The following DMRT3 variants were observed in gnomAD, a reference collection of about 807,000 sequenced individuals.
DMRT3 encodes the protein doublesex and mab-3 related transcription factor 3.
In DMRT3, 29 loss-of-function variants were observed where a neutral mutation model predicts 34.9. The observed-to-expected ratio is 0.83, with a 90% confidence interval of 0.62 to 1.13. DMRT3 has a LOEUF of 1.13. Ranked by LOEUF, DMRT3 falls within the 50% of genes most tolerant of loss-of-function variation. DMRT3 has a pLI of 0.00. For synonymous variants in DMRT3, 350 were observed against 286.0 expected, an observed-to-expected ratio of 1.22 and a Z score of -2.26; for missense variants, 772 against 629.1, an observed-to-expected ratio of 1.23 and a Z score of -2.43.
At chr9:983,601 G>C (rs1028845591) in intron 1 of DMRT3, among the ~76,000 whole-genome samples, 1 of 152,132 alleles carries the variant, frequency 6.6e-6, no homozygotes, top group African/African-American at 2.4e-5. Flanking sequence ...AAGGCATTTA[G>C]GGGCATTTGT....
chr9:982,319 G>C (rs1820231220), intron 1 of DMRT3, among the ~76,000 whole-genome samples: 1 of 152,214 alleles, frequency 6.6e-6, no homozygotes, highest in Non-Finnish European at 1.5e-5. Flanking sequence ...AAAAACGAGA[G>C]TGTGTTCCAC....
chr9:983,172 G>A (rs535838544), intron 1 of DMRT3, among the ~76,000 whole-genome samples: 2 of 152,270 alleles, frequency 1.3e-5, no homozygotes, highest in South Asian at 2.1e-4. Context: ...GCACAATCAA[G>A]TACCAAGTAA....
intron 1 of DMRT3, 88 bp from the exon 2 acceptor site, chr9:989,953 A>T: frequency 1.3e-6 from 2 of 1,521,500 alleles, no homozygotes; most frequent in Non-Finnish European, 1.8e-6. Context: ...TGCTCTTCCA[A>T]AAAGCACGTG....
intron 1 of DMRT3, among the ~76,000 whole-genome samples, chr9:982,493 A>G (rs1820234117): frequency 6.6e-6 from 1 of 152,224 alleles, no homozygotes; most frequent in African/African-American, 2.4e-5. Flanking sequence ...GATTACAGTA[A>G]TCACAGGAGG....
In DMRT3 at chr9:977,373, T is replaced by G; in HGVS notation, c.372T>G (p.Ala124=). Residue 124 remains alanine (A), a synonymous_variant, in exon 1 of 2, where the codon GCT becomes GCG. Transcript: ENST00000190165. The part of the protein sequence containing the change: ...QPSQPQPPRP[A]AELAAAAALR... ...CGCAGCCGCAGCCGCCGCGCCCTGC[T>G]GCCGAGTTGGCCGCGGCCGCCGCGC... 1 of 1,229,660 alleles carries G rather than the reference T, an allele frequency of 8.1e-7. No individual in the cohort carries two copies. The highest frequency in any genetic ancestry group is 1.0e-6 in the Non-Finnish European group (1 of 987,884). The allele number at this position is 1,229,660 out of a possible 1,614,324, so 76.2% of individuals were successfully genotyped here.
intron 1 of DMRT3, among the ~76,000 whole-genome samples, chr9:978,846 G>C (rs1820182827): frequency 6.6e-6 from 1 of 152,214 alleles, no homozygotes; most frequent in African/African-American, 2.4e-5. Context: ...TCTCAGAAAT[G>C]ATCGCCAGTT....
intron 1 of DMRT3, 156 bp from the exon 2 acceptor site, chr9:989,885 T>G: frequency 3.4e-6 from 3 of 884,130 alleles, no homozygotes; most frequent in South Asian, 2.1e-5. Flanking sequence ...TTGCCAGTGA[T>G]ATAGTTCGAA....
intron 1 of DMRT3, among the ~76,000 whole-genome samples, chr9:982,542 A>G (rs1364924284): frequency 2.0e-5 from 3 of 152,236 alleles, no homozygotes; most frequent in African/African-American, 7.2e-5. Context: ...ACTTTCGGAG[A>G]AGGTCAGGCT....
chr9:990,676 C>T lies in DMRT3; in HGVS notation c.1090C>T (p.Gln364Ter). The T allele has an allele frequency of 6.2e-7, 1 of 1,614,140 alleles. No individual in the cohort carries two copies. Among genetic ancestry groups the T allele is most frequent in the Non-Finnish European group, 8.5e-7 (1 of 1,180,020 alleles). The change falls in exon 2 of 2, where the codon CAG becomes TAG. Residue 364 changes from glutamine to a stop codon, truncating the protein, a stop_gained. Transcript: ENST00000190165. LOFTEE classifies it high-confidence loss of function. Reference protein sequence around the residue: ...LAGPLQPPFPQPPRYPLMLRN... With the variant: ...LAGPLQPPFP ...TGGGCCTCTGCAGCCCCCTTTCCCCCAGCCACCCCGGTACCCGCTGATGCT... is the reference window on the plus strand; with the variant it reads ...TGGGCCTCTGCAGCCCCCTTTCCCCTAGCCACCCCGGTACCCGCTGATGCT...
At chr9:988,325 C>T (rs1487597606) in intron 1 of DMRT3, among the ~76,000 whole-genome samples, 1 of 152,192 alleles carries the variant, frequency 6.6e-6, no homozygotes, top group Non-Finnish European at 1.5e-5. Context: ...TGTATGTTGA[C>T]ACTTGCACTG....
chr9:979,231 A>G (rs1339815210), intron 1 of DMRT3, among the ~76,000 whole-genome samples: 1 of 152,172 alleles, frequency 6.6e-6, no homozygotes, highest in African/African-American at 2.4e-5. Context: ...GAGTCACAAA[A>G]CTAAAAACAC....
intron 1 of DMRT3, among the ~76,000 whole-genome samples, chr9:983,145 A>G (rs893414658): frequency 6.6e-6 from 1 of 152,200 alleles, no homozygotes; most frequent in African/African-American, 2.4e-5. Flanking sequence ...ATTTTATTGC[A>G]TAAACAGCTA....
At position 977,475 on chromosome 9, in the gene DMRT3, G is replaced by C; in HGVS notation, c.454+20G>C. 3 of 1,276,878 alleles carry C rather than the reference G, an allele frequency of 2.3e-6. No homozygotes were observed. Among genetic ancestry groups the C allele is most frequent in the Non-Finnish European group, 3.0e-6 (3 of 1,010,796 alleles). 79.1% of individuals were successfully genotyped at this position (1,276,878 alleles called of 1,614,324 possible). On this transcript the variant is annotated intron_variant, in intron 1 of 1. Coordinates refer to ENST00000190165, the MANE Select transcript of DMRT3 (RefSeq NM_021240.4). Reference sequence around the variant, plus strand: ...AGCCAGGTAAGAGCGTCTGAGGTGCGGGAGTTTGGCCGGGCGCGGGGGCAA... The same window carrying C: ...AGCCAGGTAAGAGCGTCTGAGGTGCCGGAGTTTGGCCGGGCGCGGGGGCAA...
At chr9:977,501 C>T (rs1282213979) in intron 1 of DMRT3, 46 bp downstream of exon 1, 1 of 1,248,062 alleles carries the variant, frequency 8.0e-7, no homozygotes, top group Non-Finnish European at 1.0e-6. Flanking sequence ...GCGGGGGCAA[C>T]TTCGGAGTGC....
In DMRT3 at chr9:976,970, C is replaced by G. The variant is rs772915950; in HGVS notation, c.-32C>G. 2 of 1,441,776 alleles carry G rather than the reference C, an allele frequency of 1.4e-6. No homozygotes were observed. Among genetic ancestry groups the G allele is most frequent in the Admixed American group, 5.6e-5 (2 of 35,710 alleles). 89.3% of individuals were successfully genotyped at this position (1,441,776 alleles called of 1,614,324 possible). On this transcript the variant is annotated 5_prime_UTR_variant, in exon 1 of 2. Coordinates refer to ENST00000190165, the MANE Select transcript of DMRT3 (RefSeq NM_021240.4). The surrounding 1 kb of genome is among the most constrained non-coding windows in gnomAD (Gnocchi z 4.5). ...AGCGCTCCCTGGCCCTCTCCCGCAG[C>G]CAGGCTGCCAACTCATTCGGGAGCC...
In DMRT3 at chr9:980,796, G is replaced by A. The variant is rs1478019139; in HGVS notation, c.454+3341G>A. Among the ~76,000 whole-genome samples the A allele has an allele frequency of 2.0e-5, 3 of 152,052 alleles. No homozygotes were observed. The East Asian group carries it at 5.8e-4, about 29-fold the overall frequency. On this transcript the variant is annotated intron_variant, in intron 1 of 1. Coordinates refer to ENST00000190165, the MANE Select transcript of DMRT3 (RefSeq NM_021240.4). ...TCAGGACGTGGGCTCAAGAGCTGAGGGAAGTTAAGGGTCACTGCCAAGGTG... is the reference window on the plus strand; with the variant it reads ...TCAGGACGTGGGCTCAAGAGCTGAGAGAAGTTAAGGGTCACTGCCAAGGTG...
intron 1 of DMRT3, among the ~76,000 whole-genome samples, chr9:988,347 G>A (rs1820310441): frequency 6.6e-6 from 1 of 152,196 alleles, no homozygotes; most frequent in African/African-American, 2.4e-5. Flanking sequence ...GGTAATTGAA[G>A]AGTGTTTTAA....
At chr9:990,013 A>G in intron 1 of DMRT3, 28 bp from the exon 2 acceptor site, 2 of 1,609,980 alleles carry the variant, frequency 1.2e-6, no homozygotes, top group South Asian at 2.2e-5. Flanking sequence ...CACCAGGAAA[A>G]GATTAACTCA....
chr9:987,716 G>T (rs536588147), intron 1 of DMRT3, among the ~76,000 whole-genome samples: 4 of 151,972 alleles, frequency 2.6e-5, no homozygotes. Context: ...TCCCAGTATC[G>T]TGCAGAAATA....
Sources: allele counts gnomAD v4.1 joint callset (sites outside exome capture counted in the v4.1 genomes callset), GRCh38; gene constraint gnomAD v4.1.1; non-coding constraint Gnocchi (gnomAD v3.1); transcripts MANE v1.5; gene names NCBI Gene and HGNC (gene_info 2026-07-23, HGNC 2026-07-21).